The following HTRA1 variants were observed in gnomAD, a reference collection of about 807,000 sequenced individuals.
HTRA1 encodes HtrA serine peptidase 1.
In HTRA1, 26 loss-of-function variants were observed where a neutral mutation model predicts 49.7. The observed-to-expected ratio is 0.52, with a 90% confidence interval of 0.38 to 0.73. The LOEUF (loss-of-function observed/expected upper bound fraction) is 0.73, where lower values mean the gene tolerates loss of function less well. HTRA1 is among the 30% of genes least tolerant of loss of function. The pLI is 0.00. For missense variants in HTRA1, 561 were observed against 667.2 expected, an observed-to-expected ratio of 0.84 and a Z score of 1.75; for synonymous variants, 291 against 286.9, an observed-to-expected ratio of 1.01 and a Z score of -0.14.
At chr10:122,507,030 C>A in intron 4 of HTRA1, 145 bp downstream of exon 4, 1 of 783,752 alleles carries the variant, frequency 1.3e-6, no homozygotes, top group Non-Finnish European at 2.1e-6. Context: ...CTAGTGCCAG[C>A]AGCATGGCAG....
chr10:122,506,757 A>G lies in HTRA1; in HGVS notation c.844A>G (p.Ile282Val). 1 of 1,613,874 alleles carries G rather than the reference A, an allele frequency of 6.2e-7. No homozygotes were observed. Among genetic ancestry groups the G allele is most frequent in the South Asian group, 1.1e-5 (1 of 91,070 alleles). ...GCGGCCGGGAGAGTTCGTGGTCGCC[A>G]TCGGAAGCCCGTTTTCCCTTCAAAA... is the stretch of plus-strand genomic sequence containing the variant. ...ELRPGEFVVA[I>V]GSPFSLQNTV... is the part of the protein sequence containing the mutation. The change falls in exon 4 of 9, where the codon ATC becomes GTC. Residue 282 changes from isoleucine to valine, a missense_variant. Ile to Val is a conservative substitution (Grantham distance 29, BLOSUM62 3). Coordinates refer to ENST00000368984, the MANE Select transcript of HTRA1 (RefSeq NM_002775.5). This position sits in a 1 kb window ranked among gnomAD's most constrained non-coding sequence, Gnocchi z 5.2.
At chr10:122,498,127 A>G (rs770864946) in intron 3 of HTRA1, among the ~76,000 whole-genome samples, 4 of 151,682 alleles carry the variant, frequency 2.6e-5, no homozygotes, top group Admixed American at 6.6e-5. Context: ...CATTTTTTTC[A>G]TTTGTGTGCT....
intron 1 of HTRA1, among the ~76,000 whole-genome samples, chr10:122,472,392 A>G (rs1591026017): frequency 7.0e-6 from 1 of 142,924 alleles, no homozygotes; most frequent in Non-Finnish European, 1.5e-5. Flanking sequence ...TATTATTATT[A>G]TTATTATTAT....
intron 1 of HTRA1, among the ~76,000 whole-genome samples, chr10:122,483,968 A>G (rs928983863): frequency 6.6e-6 from 1 of 152,088 alleles, no homozygotes; most frequent in East Asian, 2.0e-4. Flanking sequence ...GAATTTTTCT[A>G]TATAGACTAT....
intron 3 of HTRA1, among the ~76,000 whole-genome samples, chr10:122,492,720 C>G (rs368256786): frequency 1.3e-5 from 2 of 152,216 alleles, no homozygotes; most frequent in East Asian, 3.9e-4. Flanking sequence ...TCACCTACCC[C>G]CTTTTCTGGC....
At chr10:122,513,899 T>A (rs2097506753) in intron 8 of HTRA1, among the ~76,000 whole-genome samples, 1 of 151,018 alleles carries the variant, frequency 6.6e-6, no homozygotes, top group South Asian at 2.1e-4. Context: ...GGCTCTTTTT[T>A]TTTTTTTTTT....
intron 1 of HTRA1, among the ~76,000 whole-genome samples, chr10:122,471,693 A>C (rs546826565): frequency 2.6e-5 from 4 of 152,264 alleles, no homozygotes; most frequent in Middle Eastern, 3.4e-3. Flanking sequence ...CATGACTCTC[A>C]CAAGCTGCAC....
intron 1 of HTRA1, among the ~76,000 whole-genome samples, chr10:122,465,268 T>A (rs1406425128): frequency 6.6e-6 from 1 of 152,150 alleles, no homozygotes; most frequent in Non-Finnish European, 1.5e-5. Context: ...AGATCTGTCA[T>A]CTCCAGCTGT....
At chr10:122,508,867 G>C in intron 6 of HTRA1, 97 bp downstream of exon 6, 1 of 773,856 alleles carries the variant, frequency 1.3e-6, no homozygotes, top group South Asian at 1.4e-5. Flanking sequence ...GCAGCCCCTA[G>C]GACTAGCCAA....
chr10:122,496,903 G>T (rs1047416183), intron 3 of HTRA1, among the ~76,000 whole-genome samples: 2 of 152,122 alleles, frequency 1.3e-5, no homozygotes. Context: ...TTTCTTGTTG[G>T]TTCTGGTTCT....
At chr10:122,500,543 C>T (rs2097500455) in intron 3 of HTRA1, among the ~76,000 whole-genome samples, 1 of 152,192 alleles carries the variant, frequency 6.6e-6, no homozygotes, top group African/African-American at 2.4e-5. Flanking sequence ...AGGACCAAGA[C>T]CCAGCCCAGA....
chr10:122,488,891 T>G lies in HTRA1; in HGVS notation c.473-11T>G. ...TGTCATTAAGTATCTATTCTTTGCT[T>G]TTGTTCTCAGGGCAGGAAGATCCCA... On this transcript the variant is annotated splice_polypyrimidine_tract_variant and intron_variant, in intron 1 of 8. Transcript: ENST00000368984. The G allele has an allele frequency of 6.2e-7, 1 of 1,610,828 alleles. No homozygotes were observed. Among genetic ancestry groups the G allele is most frequent in the Non-Finnish European group, 8.5e-7 (1 of 1,176,984 alleles).
chr10:122,494,271 C>A lies in HTRA1; in HGVS notation c.777+4645C>A, dbSNP rs1420407235. Among the ~76,000 whole-genome samples the A allele has an allele frequency of 1.3e-5, 2 of 152,150 alleles. No individual in the cohort carries two copies. Among genetic ancestry groups the A allele is most frequent in the Non-Finnish European group, 2.9e-5 (2 of 68,030 alleles). Reference sequence around the variant, plus strand: ...TCCTCAGGTAGGAGGTGCTTGGCAACCTTGTTCAGAGTAGGACGTTCACAG... The same window carrying A: ...TCCTCAGGTAGGAGGTGCTTGGCAAACTTGTTCAGAGTAGGACGTTCACAG... On this transcript the variant is annotated intron_variant, in intron 3 of 8. Coordinates refer to ENST00000368984, the MANE Select transcript of HTRA1 (RefSeq NM_002775.5). This position sits in a 1 kb window ranked among gnomAD's most constrained non-coding sequence, Gnocchi z 4.0.
At chr10:122,475,793 G>T (rs2097488217) in intron 1 of HTRA1, among the ~76,000 whole-genome samples, 1 of 152,202 alleles carries the variant, frequency 6.6e-6, no homozygotes, top group Non-Finnish European at 1.5e-5. Flanking sequence ...AGTACCAGCA[G>T]CAGCGATTAG....
At chr10:122,499,589 C>T (rs2097500089) in intron 3 of HTRA1, among the ~76,000 whole-genome samples, 1 of 152,182 alleles carries the variant, frequency 6.6e-6, no homozygotes, top group Non-Finnish European at 1.5e-5. Context: ...CCCATGTGCT[C>T]ACTTCCCTCC....
At chr10:122,512,454 G>GA (rs2097506068) in intron 8 of HTRA1, among the ~76,000 whole-genome samples, 1 of 152,168 alleles carries the variant, frequency 6.6e-6, no homozygotes, top group African/African-American at 2.4e-5. Context: ...CTTCCAGAAT[G>GA]TCTCTGACAA....
At chr10:122,493,954 C>T (rs1190230810) in intron 3 of HTRA1, among the ~76,000 whole-genome samples, 2 of 151,938 alleles carry the variant, frequency 1.3e-5, no homozygotes, top group Non-Finnish European at 2.9e-5. Flanking sequence ...CTCCCAGGAG[C>T]GCCCCTCTCC....
At chr10:122,473,794 T>G (rs1181792270) in intron 1 of HTRA1, among the ~76,000 whole-genome samples, 1 of 152,212 alleles carries the variant, frequency 6.6e-6, no homozygotes, top group Non-Finnish European at 1.5e-5. Context: ...TTCTATGAAT[T>G]TGCTTATTCT....
At position 122,506,096 on chromosome 10, in the gene HTRA1, T is replaced by TCTTGCTGTCTTGGGTCCTGGAGTC. The variant is rs6144135; in HGVS notation, c.778-586_778-585insTTGGGTCCTGGAGTCCTTGCTGTC. On this transcript the variant is annotated intron_variant, in intron 3 of 8. Transcript: ENST00000368984. This position sits in a 1 kb window ranked among gnomAD's most constrained non-coding sequence, Gnocchi z 5.2. Reference sequence around the variant, plus strand: ...GAGGAGAGACAGCCTACCTATTCGGTCTTGCTGTCCCCATGCTCCATCCCT... The same window carrying TCTTGCTGTCTTGGGTCCTGGAGTC: ...GAGGAGAGACAGCCTACCTATTCGGTCTTGCTGTCTTGGGTCCTGGAGTCCTTGCTGTCCCCATGCTCCATCCCT... 6.6e-6 allele frequency among the ~76,000 whole-genome samples: 1 copy of TCTTGCTGTCTTGGGTCCTGGAGTC among 151,686 alleles called. No homozygotes were observed. Among genetic ancestry groups the TCTTGCTGTCTTGGGTCCTGGAGTC allele is most frequent in the Non-Finnish European group, 1.5e-5 (1 of 67,908 alleles).
Sources: gnomAD v4.1 joint callset for allele counts (sites outside exome capture counted in the v4.1 genomes callset) on GRCh38, gnomAD v4.1.1 for gene constraint, Gnocchi (gnomAD v3.1) non-coding constraint, MANE v1.5 for transcripts, NCBI Gene and HGNC (gene_info 2026-07-23, HGNC 2026-07-21) for gene names.